The following ADCY7 variants were observed in gnomAD, a reference collection of about 807,000 sequenced individuals.
ADCY7 encodes adenylate cyclase type 7.
A neutral mutation model predicts 120.6 loss-of-function variants in ADCY7; 72 were observed. That is an observed-to-expected ratio of 0.60 (90% CI 0.49 to 0.73). The LOEUF is 0.73. Ranked by LOEUF, ADCY7 falls within the 30% of genes least tolerant of loss-of-function variation. The probability of loss-of-function intolerance (pLI) is 0.00; values close to 1 mark genes in which losing one functional copy is unlikely to be tolerated. For missense variants in ADCY7, 1,227 were observed against 1,486.0 expected (o/e 0.83, Z 2.87); for synonymous variants, 661 against 628.0 (o/e 1.05, Z -0.78).
intron 1 of ADCY7, among the ~76,000 whole-genome samples, chr16:50,279,169 G>A (rs2034098579): frequency 6.6e-6 from 1 of 152,140 alleles, no homozygotes; most frequent in African/African-American, 2.4e-5. Context: ...ACCGTGCCAG[G>A]TCTATGGAGC....
At chr16:50,247,371 T>C (rs979688555) in intron 1 of ADCY7, among the ~76,000 whole-genome samples, 2 of 151,972 alleles carry the variant, frequency 1.3e-5, no homozygotes, top group Non-Finnish European at 2.9e-5. Context: ...GCAGGATTTT[T>C]TTTTTCTTGA....
At chr16:50,308,898 C>T (rs1271429513) in intron 17 of ADCY7, 106 bp downstream of exon 17, 28 of 1,393,726 alleles carry the variant, frequency 2.0e-5, no homozygotes, top group South Asian at 4.5e-5. Context: ...TCCTCTCCCC[C>T]GAGCTCAGCA....
intron 6 of ADCY7, among the ~76,000 whole-genome samples, chr16:50,293,716 G>T (rs890091786): frequency 6.6e-6 from 1 of 152,174 alleles, no homozygotes; most frequent in Non-Finnish European, 1.5e-5. Flanking sequence ...TTAAATTAGA[G>T]AATTTAGATT....
intron 14 of ADCY7, 132 bp downstream of exon 14, chr16:50,305,981 T>A: frequency 2.4e-6 from 2 of 841,994 alleles, no homozygotes; most frequent in Non-Finnish European, 3.9e-6. Flanking sequence ...AATCCACAGC[T>A]GCTCCTGGGC....
chr16:50,309,845 C>T (rs1361072440), intron 18 of ADCY7, among the ~76,000 whole-genome samples, 199 bp downstream of exon 18: 1 of 152,180 alleles, frequency 6.6e-6, no homozygotes, highest in Non-Finnish European at 1.5e-5. Context: ...AGTGAGGAGT[C>T]CTGGCCTTGG....
chr16:50,300,947 G>T, intron 9 of ADCY7, 74 bp downstream of exon 9: 11 of 1,538,290 alleles, frequency 7.2e-6, no homozygotes, highest in Non-Finnish European at 9.7e-6. Flanking sequence ...GCGGTTGGGG[G>T]TGGGGGTCAG....
intron 1 of ADCY7, among the ~76,000 whole-genome samples, chr16:50,280,973 G>T (rs2034221862): frequency 6.6e-6 from 1 of 152,172 alleles, no homozygotes; most frequent in African/African-American, 2.4e-5. Context: ...GGTGCTTGGG[G>T]GCTATGGAGG....
intron 1 of ADCY7, among the ~76,000 whole-genome samples, chr16:50,272,618 C>CCAA (rs1385180638): frequency 6.6e-6 from 1 of 152,164 alleles, no homozygotes; most frequent in East Asian, 1.9e-4. Context: ...CATCCCTTGG[C>CCAA]CTCACTCATG....
intron 21 of ADCY7, 82 bp from the exon 22 acceptor site, chr16:50,312,808 G>A (rs2036559744): frequency 7.1e-7 from 1 of 1,411,444 alleles, no homozygotes; most frequent in Non-Finnish European, 9.7e-7. Context: ...GTTCAGCAGT[G>A]CCATCTGCTC....
At position 50,308,416 on chromosome 16, in the gene ADCY7, G is replaced by A. The variant is rs369932397; in HGVS notation, c.1935+5G>A. ...TGCTTTGCCACCAAGTTCTCGGTAA[G>A]TGGGGAGCTCTGGCCCCGCGGGCCC... On this transcript the variant is annotated splice_donor_5th_base_variant and intron_variant, in intron 16 of 25. Transcript: ENST00000673801. 118 of 1,614,060 alleles carry A rather than the reference G, an allele frequency of 7.3e-5. No homozygotes were observed. Among genetic ancestry groups the A allele is most frequent in the Non-Finnish European group, 9.4e-5 (111 of 1,180,030 alleles).
At chr16:50,271,640 G>T (rs925195111) in intron 1 of ADCY7, among the ~76,000 whole-genome samples, 1 of 152,112 alleles carries the variant, frequency 6.6e-6, no homozygotes, top group Admixed American at 6.5e-5. Context: ...ACTTGTCACC[G>T]TTATCCACTC....
rs765425491 is a variant in ADCY7, at chr16:50,301,135, T to C, written c.1289T>C (p.Val430Ala). 2.6e-5 allele frequency: 42 copies of C among 1,613,736 alleles called. No individual in the cohort carries two copies. Among genetic ancestry groups the C allele is most frequent in the Middle Eastern group, 3.3e-4 (2 of 6,050 alleles). The change falls in exon 10 of 26, where the codon GTG becomes GCG. Residue 430 changes from valine (V) to alanine (A), a missense_variant. Coordinates refer to ENST00000673801, the MANE Select transcript of ADCY7 (RefSeq NM_001114.5). ...AAGCACCTGGACAAGGCGTACGAGG[T>C]GGAGGATGGGCACGGGCAGCAGCGG... ...TLKHLDKAYE[V>A]EDGHGQQRDP...
chr16:50,306,711 G>A (rs1292493513), intron 14 of ADCY7, among the ~76,000 whole-genome samples: 1 of 152,170 alleles, frequency 6.6e-6, no homozygotes, highest in Non-Finnish European at 1.5e-5. Context: ...AGAGAGAGAC[G>A]GGTGGTGTAG....
At chr16:50,280,385 A>AC (rs2034181887) in intron 1 of ADCY7, among the ~76,000 whole-genome samples, 1 of 151,208 alleles carries the variant, frequency 6.6e-6, no homozygotes, top group African/African-American at 2.4e-5. Context: ...AAAAAAAAAA[A>AC]AAACAACTCC....
intron 10 of ADCY7, among the ~76,000 whole-genome samples, chr16:50,303,218 C>T (rs2035846872): frequency 6.6e-6 from 1 of 152,202 alleles, no homozygotes; most frequent in Non-Finnish European, 1.5e-5. Context: ...CCAGGTTGCT[C>T]ACCACAGGGC....
rs371452115 is a variant in ADCY7 at position 50,294,756 on chromosome 16, G to A, written c.948+5G>A. On this transcript the variant is annotated splice_donor_5th_base_variant and intron_variant, in intron 7 of 25. Coordinates refer to ENST00000673801, the MANE Select transcript of ADCY7 (RefSeq NM_001114.5). The stretch of plus-strand genomic sequence containing the variant: ...AAGTTCGACCAGATCGCCAAGGTGA[G>A]CCCGCTGGCCTACAATGGGCAAAGC... 487 of 1,608,334 alleles carry A rather than the reference G, an allele frequency of 3.0e-4. No homozygotes were observed. Among genetic ancestry groups the A allele is most frequent in the Non-Finnish European group, 3.8e-4 (451 of 1,176,034 alleles).
chr16:50,314,394 C>T lies in ADCY7; in HGVS notation c.2959C>T (p.Arg987Cys), dbSNP rs552479175. 3.3e-5 allele frequency: 54 copies of T among 1,613,768 alleles called. 1 individual carries two copies. The highest frequency in any genetic ancestry group is 3.3e-4 in the Middle Eastern group (2 of 6,038). ...GINRHSFNSF[R>C]LRVGINHGPV... The stretch of plus-strand genomic sequence containing the variant: ...CAACAGGCACTCCTTCAACTCCTTC[C>T]GCCTCCGCGTCGGTGAGCCCGGGTG... Residue 987 changes from arginine to cysteine, a missense_variant, in exon 24 of 26, where the codon CGC becomes TGC. Physicochemically the swap from Arg to Cys is radical, Grantham distance 180. Around this residue, in one of 5 missense-constraint regions of ADCY7, gnomAD observed 244 missense variants for 332.8 expected, o/e 0.73. Coordinates refer to ENST00000673801, the MANE Select transcript of ADCY7 (RefSeq NM_001114.5).
At chr16:50,299,374 C>T (rs999795886) in intron 8 of ADCY7, among the ~76,000 whole-genome samples, 2 of 152,210 alleles carry the variant, frequency 1.3e-5, no homozygotes, top group African/African-American at 4.8e-5. Context: ...ACCTTTCCGA[C>T]CCAGGGGTCG....
At chr16:50,304,221 G>A (rs2035913130) in intron 10 of ADCY7, 139 bp from the exon 11 acceptor site, 1 of 902,960 alleles carries the variant, frequency 1.1e-6, no homozygotes, top group South Asian at 2.9e-5. Flanking sequence ...ACTGCGGGTT[G>A]AGCAACTTCT....
Sources: gnomAD v4.1 joint callset for allele counts (sites outside exome capture counted in the v4.1 genomes callset) on GRCh38, gnomAD v4.1.1 for gene constraint, gnomAD v4.1.1 regional missense constraint, MANE v1.5 for transcripts, NCBI Gene and HGNC (gene_info 2026-07-23, HGNC 2026-07-21) for gene names.